Variants in ZC3HAV1L observed in about 807,000 individuals in gnomAD.
ZC3HAV1L encodes the protein ZC3HAV1 like.
A neutral mutation model predicts 28.2 loss-of-function variants in ZC3HAV1L; 23 were observed. The observed-to-expected ratio is 0.82, with a 90% confidence interval of 0.59 to 1.16. ZC3HAV1L has a LOEUF of 1.16. Among genes scored for constraint, ZC3HAV1L ranks in the 50% most tolerant of loss-of-function variants. ZC3HAV1L has a pLI of 0.00. For missense variants in ZC3HAV1L, 376 were observed against 387.7 expected (o/e 0.97, Z 0.25); for synonymous variants, 180 against 163.4 (o/e 1.10, Z -0.78).
At chr7:139,028,674 C>A (rs895850369) in intron 3 of ZC3HAV1L, 28 bp downstream of exon 3, 1 of 1,603,214 alleles carries the variant, frequency 6.2e-7, no homozygotes, top group African/African-American at 1.3e-5. Flanking sequence ...ATCGCTGATA[C>A]TTCTCTGTCC....
At chr7:139,035,181 A>G (rs555527040) in intron 1 of ZC3HAV1L, 9,893 of 985,398 alleles carry the variant, frequency 0.01, 50 homozygotes, top group Non-Finnish European at 0.011. Context: ...TCCTGGGGTG[A>G]GACTGGCTCA....
At chr7:139,033,813 G>A in intron 2 of ZC3HAV1L, 1 of 985,446 alleles carries the variant, frequency 1.0e-6, no homozygotes, top group Non-Finnish European at 1.2e-6. Flanking sequence ...GAGACAGGAA[G>A]GACTGGACCC....
chr7:139,026,841 G>C lies in ZC3HAV1L; in HGVS notation c.761-8C>G. On this transcript the variant is annotated splice_region_variant and splice_polypyrimidine_tract_variant and intron_variant, in intron 3 of 4. Coordinates refer to ENST00000275766, the MANE Select transcript of ZC3HAV1L (RefSeq NM_080660.4). ...TCGAAGGTGATGAATTATCTACAAA[G>C]AGGAAAGGGATAAGTTTTCCTACGA... 1 of 1,604,704 alleles carries C rather than the reference G, an allele frequency of 6.2e-7. No individual in the cohort carries two copies.
chr7:139,035,786 A>G lies in ZC3HAV1L; in HGVS notation c.232T>C (p.Ser78Pro). Residue 78 changes from serine (S) to proline (P), a missense_variant, in exon 1 of 5, where the codon TCC (serine) becomes CCC (proline). Transcript: ENST00000275766. The stretch of plus-strand genomic sequence containing the variant: ...GACACGGCCACCACCCTCCAGGCGG[A>G]GGTGCCGCCACCGCCCACCGCGCCG... ...AAGAVGGGGT[S>P]AWRVVAVSSV... The G allele has an allele frequency of 6.7e-7, 1 of 1,492,904 alleles. No homozygotes were observed. The highest frequency in any genetic ancestry group is 8.9e-7 in the Non-Finnish European group (1 of 1,129,816). The allele number at this position is 1,492,904 out of a possible 1,614,324, so 92.5% of individuals were successfully genotyped here. A position where few individuals can be genotyped will look rare whatever the true frequency, so the allele number is the denominator to read the frequency against.
Position 139,026,152 on chromosome 7 carries a change from A to T in ZC3HAV1L, c.*392T>A, listed in dbSNP as rs1439467323. On this transcript the variant is annotated 3_prime_UTR_variant, in exon 5 of 5. Transcript: ENST00000275766. ...CATCTCAAAAAAAAAAACTGTTAGAAAAAGCCAAGTAGTTAAACAAACTAT... is the reference window on the plus strand; with the variant it reads ...CATCTCAAAAAAAAAAACTGTTAGATAAAGCCAAGTAGTTAAACAAACTAT... The T allele has an allele frequency of 5.5e-6, 1 of 181,764 alleles. No individual in the cohort carries two copies. Among genetic ancestry groups the T allele is most frequent in the East Asian group, 1.6e-4 (1 of 6,334 alleles). 11.3% of individuals were successfully genotyped at this position (181,764 alleles called of 1,614,324 possible).
rs111743133 is a variant in ZC3HAV1L at position 139,026,075 on chromosome 7, C to T, written c.*469G>A. The T allele has an allele frequency of 3.8e-3, 589 of 154,520 alleles. 4 individuals are homozygous for T. Among genetic ancestry groups the T allele is most frequent in the African/African-American group, 0.013 (550 of 41,340 alleles). 9.6% of individuals were successfully genotyped at this position (154,520 alleles called of 1,614,324 possible). ...ACTTGAGCCCAGGAAGTCAAGGCTGCAGTGAGCCGAGATCACGTCACTGCA... is the reference window on the plus strand; with the variant it reads ...ACTTGAGCCCAGGAAGTCAAGGCTGTAGTGAGCCGAGATCACGTCACTGCA... On this transcript the variant is annotated 3_prime_UTR_variant, in exon 5 of 5. Transcript: ENST00000275766.
At chr7:139,035,595 C>T in intron 1 of ZC3HAV1L, 58 bp downstream of exon 1, 1 of 1,344,546 alleles carries the variant, frequency 7.4e-7, no homozygotes. Context: ...CCGCTTCCAG[C>T]AGGACGGCCA....
chr7:139,032,350 A>T (rs1395402745), intron 2 of ZC3HAV1L, among the ~76,000 whole-genome samples: 1 of 152,020 alleles, frequency 6.6e-6, no homozygotes, highest in Non-Finnish European at 1.5e-5. Flanking sequence ...ATAATAACAT[A>T]ATGGCCAGGC....
downstream of ZC3HAV1L, among the ~76,000 whole-genome samples, chr7:139,025,379 C>T (rs145787595): frequency 3.9e-3 from 581 of 149,376 alleles, 4 homozygotes; most frequent in African/African-American, 0.013. Context: ...ACCCAGGAGG[C>T]GGAGGTTATG....
At chr7:139,027,707 T>A (rs1815395794) in intron 3 of ZC3HAV1L, among the ~76,000 whole-genome samples, 1 of 152,158 alleles carries the variant, frequency 6.6e-6, no homozygotes, top group Admixed American at 6.5e-5. Context: ...ACTGAAAGAC[T>A]ATGGGAATAT....
At chr7:139,035,126 G>A (rs1815662439) in intron 1 of ZC3HAV1L, 12 of 985,446 alleles carry the variant, frequency 1.2e-5, no homozygotes, top group Non-Finnish European at 1.4e-5. Flanking sequence ...CCCAGCTCTG[G>A]CAGTCAGGAA....
chr7:139,035,269 A>C (rs930131741), intron 1 of ZC3HAV1L: 3 of 985,430 alleles, frequency 3.0e-6, no homozygotes, highest in Non-Finnish European at 3.6e-6. Context: ...TTCCGGCTAA[A>C]GGGTCCAGGG....
intron 1 of ZC3HAV1L, chr7:139,035,406 G>T: frequency 1.0e-6 from 1 of 985,262 alleles, no homozygotes; most frequent in Non-Finnish European, 1.2e-6. Flanking sequence ...GGGGGCGGGC[G>T]GGGGCAGCAA....
intron 2 of ZC3HAV1L, among the ~76,000 whole-genome samples, chr7:139,032,416 C>T (rs1467555175): frequency 6.6e-6 from 1 of 151,676 alleles, no homozygotes; most frequent in Non-Finnish European, 1.5e-5. Context: ...GGGCGGATCA[C>T]GAGGTCAGGA....
chr7:139,029,098 G>A (rs1226518934), intron 2 of ZC3HAV1L, 138 bp from the exon 3 acceptor site: 21 of 1,013,992 alleles, frequency 2.1e-5, no homozygotes, highest in East Asian at 5.3e-5. Flanking sequence ...CATCTCCCGC[G>A]TTCAAGCAAT....
chr7:139,023,714 G>C (rs981160401), downstream of ZC3HAV1L, among the ~76,000 whole-genome samples: 1 of 152,162 alleles, frequency 6.6e-6, no homozygotes, highest in Admixed American at 6.5e-5. Flanking sequence ...GATTAAAACA[G>C]GGCTACCATC....
chr7:139,035,131 C>G, intron 1 of ZC3HAV1L: 1 of 985,450 alleles, frequency 1.0e-6, no homozygotes, highest in South Asian at 4.7e-5. Context: ...CTCTGGCAGT[C>G]AGGAACCACA....
At position 139,028,928 on chromosome 7, in the gene ZC3HAV1L, C is replaced by G. The variant is rs7800990; in HGVS notation, c.534G>C (p.Leu178=). ...TATCCTTGAGGTTGCAGTAGCCATA[C>G]AGGGCTTCCCCTTTGTTGTAGAGCA... ...VCLLYNKGEA[L]YGYCNLKDKC... Residue 178 remains leucine, a synonymous_variant, in exon 3 of 5, where the codon CTG becomes CTC. Transcript: ENST00000275766. The G allele has an allele frequency of 6.9e-3, 11,162 of 1,614,112 alleles. 652 individuals are homozygous for G. In the African/African-American group the frequency reaches 0.13, roughly 19 times the overall value.
chr7:139,030,279 T>A (rs997530507), intron 2 of ZC3HAV1L, among the ~76,000 whole-genome samples: 2 of 151,942 alleles, frequency 1.3e-5, no homozygotes, highest in African/African-American at 4.8e-5. Context: ...ACCCTGACTC[T>A]ATTAAAAATA....
Sources: allele counts gnomAD v4.1 joint callset (sites outside exome capture counted in the v4.1 genomes callset), GRCh38; gene constraint gnomAD v4.1.1; transcripts MANE v1.5; gene names NCBI Gene and HGNC (gene_info 2026-07-23, HGNC 2026-07-21).